Variants in VPS52 observed in about 807,000 individuals in gnomAD.
The protein encoded by VPS52 is vacuolar protein sorting-associated protein 52 homolog.
Under a neutral mutation model 98.7 loss-of-function variants are expected in VPS52, and 56 were observed. The observed-to-expected ratio is 0.57, with a 90% confidence interval of 0.46 to 0.71. The LOEUF (loss-of-function observed/expected upper bound fraction) is 0.71, where lower values mean the gene tolerates loss of function less well. VPS52 is among the 30% of genes least tolerant of loss of function. The probability of loss-of-function intolerance (pLI) is 0.00; values close to 1 mark genes in which losing one functional copy is unlikely to be tolerated. For synonymous variants in VPS52, 348 were observed against 346.4 expected, an observed-to-expected ratio of 1.00 and a Z score of -0.05; for missense variants, 742 against 925.9, an observed-to-expected ratio of 0.80 and a Z score of 2.58.
chr6:33,258,690 C>T (rs1763290536), intron 17 of VPS52, among the ~76,000 whole-genome samples: 1 of 152,080 alleles, frequency 6.6e-6, no homozygotes, highest in African/African-American at 2.4e-5. Context: ...GTTCAGCGCC[C>T]CTGAGGAGCT....
intron 16 of VPS52, 33 bp downstream of exon 16, chr6:33,263,739 G>A: frequency 6.2e-7 from 1 of 1,613,066 alleles, no homozygotes; most frequent in South Asian, 1.1e-5. Context: ...GAATTTTCTG[G>A]GTAGGAAGGC....
At position 33,266,546 on chromosome 6, in the gene VPS52, A is replaced by G. The variant is rs2150844653; in HGVS notation, c.1281+11T>C. 1 of 1,592,646 alleles carries G rather than the reference A, an allele frequency of 6.3e-7. No homozygotes were observed. The highest frequency in any genetic ancestry group is 8.6e-7 in the Non-Finnish European group (1 of 1,168,028). On this transcript the variant is annotated intron_variant, in intron 12 of 19. Transcript: ENST00000445902. ...AAAGGTGTTGAATGGTACAGGAAACAGGAGTCTTACCAGGGTCATGCTGAG... is the reference window on the plus strand; with the variant it reads ...AAAGGTGTTGAATGGTACAGGAAACGGGAGTCTTACCAGGGTCATGCTGAG...
In VPS52 at chr6:33,269,485, C is replaced by T. The variant is rs2150858041; in HGVS notation, c.372+5G>A. The T allele has an allele frequency of 6.2e-7, 1 of 1,613,298 alleles. No homozygotes were observed. The highest frequency in any genetic ancestry group is 8.5e-7 in the Non-Finnish European group (1 of 1,179,998). On this transcript the variant is annotated splice_donor_5th_base_variant and intron_variant, in intron 5 of 19. Transcript: ENST00000445902. ...TATTAGGGGTCACAGGTCATGATTA[C>T]TAACCTCCAGGACAGCATCACAGGC...
chr6:33,270,000 G>C lies in VPS52; in HGVS notation c.227C>G (p.Thr76Arg). Residue 76 changes from threonine (T) to arginine (R), a missense_variant and splice_region_variant, in exon 3 of 20, where the codon ACG becomes AGG. Thr to Arg is a moderately conservative substitution (Grantham distance 71, BLOSUM62 -1). Coordinates refer to ENST00000445902, the MANE Select transcript of VPS52 (RefSeq NM_022553.6). ...EDELVKEALK[T>R]GVDLRHYSKQ... ...GATTAGTACAGGGGAAAGCCTCACC[G>C]TTTTAAGAGCTTCCTTTACTAACTC... is the stretch of plus-strand genomic sequence containing the variant. The C allele has an allele frequency of 6.2e-7, 1 of 1,614,094 alleles. No individual in the cohort carries two copies. The highest frequency in any genetic ancestry group is 8.5e-7 in the Non-Finnish European group (1 of 1,180,028).
Position 33,268,948 on chromosome 6 carries a change from T to C in VPS52, c.548+66A>G, listed in dbSNP as rs1681668449. The C allele has an allele frequency of 1.9e-6, 3 of 1,571,344 alleles. No individual in the cohort carries two copies. The highest frequency in any genetic ancestry group is 1.4e-5 in the African/African-American group (1 of 73,602). On this transcript the variant is annotated intron_variant, in intron 6 of 19. Coordinates refer to ENST00000445902, the MANE Select transcript of VPS52 (RefSeq NM_022553.6). The surrounding 1 kb of genome is among the most constrained non-coding windows in gnomAD (Gnocchi z 4.0). ...GGAGCCAGGAGACCCATATGGTAAATAGGGTGGGTCACCCCAGCCCATCCA... is the reference window on the plus strand; with the variant it reads ...GGAGCCAGGAGACCCATATGGTAAACAGGGTGGGTCACCCCAGCCCATCCA...
intron 17 of VPS52, among the ~76,000 whole-genome samples, chr6:33,262,445 T>G (rs1763743111): frequency 6.6e-6 from 1 of 152,090 alleles, no homozygotes; most frequent in African/African-American, 2.4e-5. Flanking sequence ...TACAAACACT[T>G]TGGAGAACAG....
chr6:33,269,564 C>T lies in VPS52; in HGVS notation c.305-7G>A, dbSNP rs962607662. On this transcript the variant is annotated splice_region_variant and splice_polypyrimidine_tract_variant and intron_variant, in intron 4 of 19. Coordinates refer to ENST00000445902, the MANE Select transcript of VPS52 (RefSeq NM_022553.6). Reference sequence around the variant, plus strand: ...TTCTCACTCTCTTGAATATCTGATCCACAAAAAGTCAAGGGGCCTCATGGT... The same window carrying T: ...TTCTCACTCTCTTGAATATCTGATCTACAAAAAGTCAAGGGGCCTCATGGT... 2 of 1,605,208 alleles carry T rather than the reference C, an allele frequency of 1.2e-6. No homozygotes were observed. Among genetic ancestry groups the T allele is most frequent in the Non-Finnish European group, 1.7e-6 (2 of 1,176,738 alleles).
chr6:33,268,522 C>A lies in VPS52; in HGVS notation c.676G>T (p.Val226Leu). 1 of 1,607,674 alleles carries A rather than the reference C, an allele frequency of 6.2e-7. No individual in the cohort carries two copies. The highest frequency in any genetic ancestry group is 1.1e-5 in the South Asian group (1 of 90,750). ...ACCTTGACCCGGAGCCGATCGAGCA[C>A]GCCTCTGACATCTGCGCAGGCTGCT... ...GTAACADVRG[V>L]LDRLRVKAVT... The change falls in exon 7 of 20, where the codon GTG becomes TTG. Residue 226 changes from valine (V) to leucine (L), a missense_variant. Transcript: ENST00000445902. The surrounding 1 kb of genome is among the most constrained non-coding windows in gnomAD (Gnocchi z 4.0).
intron 17 of VPS52, among the ~76,000 whole-genome samples, chr6:33,257,865 A>C (rs1217264720): frequency 6.6e-6 from 1 of 152,036 alleles, no homozygotes. Context: ...CAACAACAAA[A>C]ATTAGCTGGG....
chr6:33,256,002 CT>C (rs1192462221), intron 17 of VPS52, among the ~76,000 whole-genome samples: 1 of 151,990 alleles, frequency 6.6e-6, no homozygotes, highest in Non-Finnish European at 1.5e-5. Context: ...TGTTCAACTT[CT>C]AAACATCATC....
At chr6:33,271,541 T>G (rs1005424915) in intron 1 of VPS52, 45 bp downstream of exon 1, 1 of 1,565,370 alleles carries the variant, frequency 6.4e-7, no homozygotes, top group Non-Finnish European at 8.7e-7. Context: ...TTTCTGAAGC[T>G]AGGAGCACCG....
At chr6:33,259,250 G>T (rs1429530508) in intron 17 of VPS52, among the ~76,000 whole-genome samples, 1 of 152,172 alleles carries the variant, frequency 6.6e-6, no homozygotes. Flanking sequence ...GTACATCAAA[G>T]ATTAGTCTTA....
Position 33,270,053 on chromosome 6 carries a change from T to C in VPS52, c.176-2A>G. The C allele has an allele frequency of 1.2e-6, 2 of 1,614,192 alleles. No homozygotes were observed. The highest frequency in any genetic ancestry group is 8.5e-7 in the Non-Finnish European group (1 of 1,180,032). On this transcript the variant is annotated splice_acceptor_variant, in intron 2 of 19. Transcript: ENST00000445902. LOFTEE classifies it high-confidence loss of function. ...CCTCCAGATTTGCCTGAATGTGAAC[T>C]GGAAATAGAAGTTTATCATAAGGGT... is the stretch of plus-strand genomic sequence containing the variant.
At position 33,264,387 on chromosome 6, in the gene VPS52, G is replaced by A; in HGVS notation, c.1511C>T (p.Thr504Ile). ...TDPQRLGGLD[T>I]RPHYITRRYA... The stretch of plus-strand genomic sequence containing the variant: ...GCCCTCCCTCACATAGTGGGGCCGA[G>A]TATCCAACCCCCCTAGGCGCTGGGG... Residue 504 changes from threonine (T) to isoleucine (I), a missense_variant, in exon 14 of 20, where the codon ACT becomes ATT. Coordinates refer to ENST00000445902, the MANE Select transcript of VPS52 (RefSeq NM_022553.6). 1.2e-6 allele frequency: 2 copies of A among 1,614,138 alleles called. No homozygotes were observed. Among genetic ancestry groups the A allele is most frequent in the East Asian group, 2.2e-5 (1 of 44,890 alleles).
chr6:33,252,009 T>G, intron 17 of VPS52, 38 bp from the exon 18 acceptor site: 3 of 1,578,772 alleles, frequency 1.9e-6, no homozygotes, highest in African/African-American at 1.3e-5. Context: ...GGTGTCCTGG[T>G]GTCAGCAGAT....
In VPS52 at chr6:33,250,781, G is replaced by C. The variant is rs1004510580; in HGVS notation, c.*60C>G. 3.5e-5 allele frequency: 56 copies of C among 1,581,664 alleles called. No homozygotes were observed. In the African/African-American group the frequency reaches 7.0e-4, roughly 20 times the overall value. The stretch of plus-strand genomic sequence containing the variant: ...GGGTACCCCAGGTGAAGAAGGGTAT[G>C]GAATGGGGTGCAGAAGTCCATGGAG... On this transcript the variant is annotated 3_prime_UTR_variant, in exon 20 of 20. Coordinates refer to ENST00000445902, the MANE Select transcript of VPS52 (RefSeq NM_022553.6).
chr6:33,261,717 A>G (rs1180322468), intron 17 of VPS52, among the ~76,000 whole-genome samples: 1 of 151,970 alleles, frequency 6.6e-6, no homozygotes, highest in Non-Finnish European at 1.5e-5. Context: ...CCAAAGCAAA[A>G]ATGGCCAAAT....
At chr6:33,270,422 A>T (rs1764875881) in intron 1 of VPS52, 139 bp from the exon 2 acceptor site, 2 of 755,950 alleles carry the variant, frequency 2.6e-6, no homozygotes, top group South Asian at 3.6e-5. Context: ...AAATTCTAAG[A>T]GTCTCACGTT....
At chr6:33,271,535 T>C in intron 1 of VPS52, 51 bp downstream of exon 1, 3 of 1,560,650 alleles carry the variant, frequency 1.9e-6, no homozygotes, top group South Asian at 1.2e-5. Flanking sequence ...CAGGTCTTTC[T>C]GAAGCTAGGA....
Sources: gnomAD v4.1 joint callset for allele counts (sites outside exome capture counted in the v4.1 genomes callset) on GRCh38, gnomAD v4.1.1 for gene constraint, Gnocchi (gnomAD v3.1) non-coding constraint, MANE v1.5 for transcripts, NCBI Gene and HGNC (gene_info 2026-07-23, HGNC 2026-07-21) for gene names.